EMC8: variants seen among roughly 807,000 people sequenced by gnomAD.
EMC8 encodes COX4 neighbor.
A neutral mutation model predicts 24.3 loss-of-function variants in EMC8; 11 were observed. That is an observed-to-expected ratio of 0.45 (90% confidence interval 0.28 to 0.75). The LOEUF (loss-of-function observed/expected upper bound fraction) is 0.75. Among genes scored for constraint, EMC8 ranks in the 30% least tolerant of loss-of-function variants. The pLI, the probability that EMC8 is intolerant of heterozygous loss-of-function variation, is 0.12. For missense variants in EMC8, 277 were observed against 282.7 expected, an observed-to-expected ratio of 0.98 and a Z score of 0.14; for synonymous variants, 145 against 117.7, an observed-to-expected ratio of 1.23 and a Z score of -1.50.
intron 1 of EMC8, among the ~76,000 whole-genome samples, chr16:85,793,981 C>A (rs1442387168): frequency 6.6e-6 from 1 of 151,968 alleles, no homozygotes; most frequent in East Asian, 1.9e-4. Context: ...TAATGAAAAG[C>A]CTTTCAAAGG....
intron 1 of EMC8, 47 bp from the exon 2 acceptor site, chr16:85,789,097 A>C: frequency 7.8e-7 from 1 of 1,276,366 alleles, no homozygotes; most frequent in East Asian, 2.3e-5. Context: ...CTCTCCCTTA[A>C]ATATCAAGTC....
intron 3 of EMC8, 180 bp from the exon 4 acceptor site, chr16:85,780,653 C>G: frequency 1.7e-6 from 1 of 593,354 alleles, no homozygotes; most frequent in Non-Finnish European, 3.0e-6. Context: ...TTGTGTCATG[C>G]AGGAAAACGT....
At chr16:85,781,735 CT>C (rs1309495315) in intron 2 of EMC8, 6 of 166,738 alleles carry the variant, frequency 3.6e-5, no homozygotes, top group African/African-American at 1.4e-4. Context: ...GCATGGGCCA[CT>C]GTGCCCAGCC....
At chr16:85,782,334 C>T (rs969237575) in intron 2 of EMC8, among the ~76,000 whole-genome samples, 6 of 152,230 alleles carry the variant, frequency 3.9e-5, no homozygotes, top group African/African-American at 1.4e-4. Context: ...CGCCACCCAA[C>T]CCTGATAAAT....
chr16:85,784,009 C>CT (rs937173909), intron 2 of EMC8, among the ~76,000 whole-genome samples: 1 of 151,040 alleles, frequency 6.6e-6, no homozygotes, highest in Non-Finnish European at 1.5e-5. Flanking sequence ...CTTTTTTTTT[C>CT]TTTTTTTGAG....
intron 1 of EMC8, among the ~76,000 whole-genome samples, chr16:85,794,094 G>C (rs1385391738): frequency 6.6e-6 from 1 of 152,148 alleles, no homozygotes; most frequent in Non-Finnish European, 1.5e-5. Context: ...TGAGAACAAG[G>C]CCTCATTTAC....
chr16:85,789,267 C>T (rs755215472), intron 1 of EMC8, among the ~76,000 whole-genome samples: 2 of 152,138 alleles, frequency 1.3e-5, no homozygotes, highest in African/African-American at 4.8e-5. Flanking sequence ...TCAGTCCCAG[C>T]GAGAAGACCC....
At chr16:85,788,435 G>A (rs1227338064) in intron 2 of EMC8, among the ~76,000 whole-genome samples, 1 of 152,236 alleles carries the variant, frequency 6.6e-6, no homozygotes, top group Non-Finnish European at 1.5e-5. Context: ...TTTTCTGTTG[G>A]GACCAAGATG....
intron 2 of EMC8, among the ~76,000 whole-genome samples, chr16:85,782,128 C>T (rs967756670): frequency 6.6e-6 from 1 of 152,198 alleles, no homozygotes; most frequent in African/African-American, 2.4e-5. Flanking sequence ...CTGCTGGGCA[C>T]CTGCCAGCTC....
At chr16:85,787,193 C>T (rs1904793391) in intron 2 of EMC8, among the ~76,000 whole-genome samples, 1 of 152,346 alleles carries the variant, frequency 6.6e-6, no homozygotes, top group South Asian at 2.1e-4. Flanking sequence ...ACGGCCCCAG[C>T]CCTTGCCACG....
intron 1 of EMC8, among the ~76,000 whole-genome samples, chr16:85,792,145 T>C (rs1032062868): frequency 6.9e-6 from 1 of 145,888 alleles, no homozygotes; most frequent in African/African-American, 2.8e-5. Context: ...TATCACCTTG[T>C]ACCCACTCTC....
intron 1 of EMC8, chr16:85,798,838 G>T: frequency 2.1e-6 from 1 of 485,180 alleles, no homozygotes; most frequent in Non-Finnish European, 3.7e-6. Flanking sequence ...GCCTTAAAGT[G>T]CCTCTAAAAG....
At position 85,779,604 on chromosome 16, in the gene EMC8, T is replaced by C. The variant is rs1275102767; in HGVS notation, c.*104A>G. ...AGGCACATGCCACTTCTTAAAACGG[T>C]CAGCTTTCCACACAGGCTACAAGAT... is the stretch of plus-strand genomic sequence containing the variant. On this transcript the variant is annotated 3_prime_UTR_variant, in exon 5 of 5. Coordinates refer to ENST00000253457, the MANE Select transcript of EMC8 (RefSeq NM_006067.5). 8.0e-7 allele frequency: 1 copy of C among 1,250,234 alleles called. No individual in the cohort carries two copies. The highest frequency in any genetic ancestry group is 2.4e-5 in the East Asian group (1 of 42,526). The allele number at this position is 1,250,234 out of a possible 1,614,324, so 77.4% of individuals were successfully genotyped here.
At chr16:85,794,463 C>T (rs998593875) in intron 1 of EMC8, among the ~76,000 whole-genome samples, 4 of 152,108 alleles carry the variant, frequency 2.6e-5, no homozygotes, top group South Asian at 2.1e-4. Flanking sequence ...GCGAGGCGAG[C>T]GGACTGCCTG....
intron 1 of EMC8, among the ~76,000 whole-genome samples, chr16:85,794,178 A>T (rs1905144755): frequency 6.6e-6 from 1 of 152,260 alleles, no homozygotes; most frequent in Non-Finnish European, 1.5e-5. Context: ...CTATGGCTCT[A>T]AACACTGAGA....
intron 2 of EMC8, 197 bp from the exon 3 acceptor site, chr16:85,781,477 C>G (rs1904495739): frequency 1.8e-6 from 1 of 548,022 alleles, no homozygotes; most frequent in Non-Finnish European, 3.3e-6. Context: ...GCTGCCCTAG[C>G]TGGAGTGTAG....
rs750235527 is a variant in EMC8 at position 85,788,948 on chromosome 16, C to T, written c.308+26G>A. The stretch of plus-strand genomic sequence containing the variant: ...GCCCAACACGTGCTCACTTCCTCGC[C>T]CACAGAGGGTTCTGCATCCACGTAC... On this transcript the variant is annotated intron_variant, in intron 2 of 4. Coordinates refer to ENST00000253457, the MANE Select transcript of EMC8 (RefSeq NM_006067.5). 5 of 1,572,400 alleles carry T rather than the reference C, an allele frequency of 3.2e-6. No homozygotes were observed. The South Asian group carries it at 5.5e-5, about 17-fold the overall frequency.
chr16:85,795,237 C>CTAGA (rs1353994201), intron 1 of EMC8, among the ~76,000 whole-genome samples: 1 of 152,198 alleles, frequency 6.6e-6, no homozygotes, highest in Non-Finnish European at 1.5e-5. Context: ...CAAGAAGCTC[C>CTAGA]TAGAAGTTTC....
chr16:85,786,730 AG>A (rs1441328036), intron 2 of EMC8, among the ~76,000 whole-genome samples: 4 of 152,208 alleles, frequency 2.6e-5, no homozygotes, highest in African/African-American at 7.2e-5. Context: ...AGGTGAGGAT[AG>A]GGAGGACATT....
Sources: allele counts gnomAD v4.1 joint callset (sites outside exome capture counted in the v4.1 genomes callset), GRCh38; gene constraint gnomAD v4.1.1; transcripts MANE v1.5; gene names NCBI Gene and HGNC (gene_info 2026-07-23, HGNC 2026-07-21).